Variants in TENM2 observed in about 807,000 individuals in gnomAD.
TENM2 encodes teneurin-2.
Under a neutral mutation model 245.2 loss-of-function variants are expected in TENM2, and 52 were observed. The observed-to-expected ratio is 0.21, with a 90% CI of 0.17 to 0.27. TENM2 has a LOEUF of 0.27. TENM2 is among the 10% of genes least tolerant of loss of function. The pLI is 1.00. For missense variants in TENM2, 3,046 were observed against 3,666.8 expected, an observed-to-expected ratio of 0.83 and a Z score of 4.37; for synonymous variants, 1,363 against 1,438.9, an observed-to-expected ratio of 0.95 and a Z score of 1.19.
In TENM2 at chr5:168,120,905, G is replaced by T. The variant is rs1156862047; in HGVS notation, c.2008+2419G>T. On this transcript the variant is annotated intron_variant, in intron 10 of 28. Coordinates refer to ENST00000518659, the Ensembl canonical transcript of TENM2. ...ACATGGTTGTACTATTAACAAATTTGCCCAAGAAAATGAAAGGATGTATTC... is the reference window on the plus strand; with the variant it reads ...ACATGGTTGTACTATTAACAAATTTTCCCAAGAAAATGAAAGGATGTATTC... Among the ~76,000 whole-genome samples, 3 of 152,124 alleles carry T rather than the reference G, an allele frequency of 2.0e-5. No homozygotes were observed. The East Asian group carries it at 5.8e-4, about 29-fold the overall frequency.
intron 2 of TENM2, among the ~76,000 whole-genome samples, chr5:167,801,104 AAAAAAAT>A (rs1424673938): frequency 1.6e-5 from 1 of 64,114 alleles, no homozygotes; most frequent in Non-Finnish European, 2.8e-5. Context: ...AGAAAAAAAA[AAAAAAAT>A]ATATATATAT....
At chr5:168,114,465 C>G (rs1794910300) in intron 9 of TENM2, among the ~76,000 whole-genome samples, 3 of 152,146 alleles carry the variant, frequency 2.0e-5, no homozygotes, top group African/African-American at 7.2e-5. Context: ...AGGAGGTTCC[C>G]CATTTCACAT....
chr5:167,738,723 C>G (rs1174281459), intron 2 of TENM2, among the ~76,000 whole-genome samples: 1 of 152,084 alleles, frequency 6.6e-6, no homozygotes, highest in Non-Finnish European at 1.5e-5. Flanking sequence ...TGAGACCTCT[C>G]TCCTTGACTT....
intron 2 of TENM2, among the ~76,000 whole-genome samples, chr5:167,845,938 G>A (rs1028634803): frequency 8.5e-5 from 13 of 152,142 alleles, no homozygotes; most frequent in African/African-American, 1.2e-4. Context: ...TTTCCACTTA[G>A]CATTCTCTCA....
chr5:167,550,712 GTGTGTGT>G, intron 2 of TENM2, among the ~76,000 whole-genome samples: 1 of 137,308 alleles, frequency 7.3e-6, no homozygotes, highest in African/African-American at 2.9e-5. Flanking sequence ...GTGTGTGTGT[GTGTGTGT>G]GTGTGTGTGT....
chr5:168,213,304 G>A (rs956060330), intron 20 of TENM2, among the ~76,000 whole-genome samples: 2 of 152,154 alleles, frequency 1.3e-5, no homozygotes, highest in African/African-American at 2.4e-5. Flanking sequence ...GAAGAGAAAC[G>A]GGAATGAAAG....
At chr5:168,212,349 TATC>T (rs779487093) in intron 20 of TENM2, among the ~76,000 whole-genome samples, 2 of 152,250 alleles carry the variant, frequency 1.3e-5, no homozygotes, top group Non-Finnish European at 2.9e-5. Context: ...GATCCAAGGT[TATC>T]ATTTAAAACC....
At chr5:167,323,319 A>G (rs1434619192) in intron 1 of TENM2, among the ~76,000 whole-genome samples, 3 of 152,188 alleles carry the variant, frequency 2.0e-5, no homozygotes, top group Admixed American at 6.5e-5. Flanking sequence ...CAGAATTTGA[A>G]CTGACATCGT....
the TENM2 span, among the ~76,000 whole-genome samples, chr5:167,066,899 C>T: frequency 1.3e-5 from 2 of 152,106 alleles, no homozygotes; most frequent in South Asian, 2.1e-4. Flanking sequence ...TAACAGTCCT[C>T]ATATGATTTA....
intron 3 of TENM2, among the ~76,000 whole-genome samples, chr5:167,899,707 G>T (rs1007056391): frequency 6.6e-6 from 1 of 152,118 alleles, no homozygotes; most frequent in Non-Finnish European, 1.5e-5. Flanking sequence ...GTAGGTGCCG[G>T]AAATCTCTGT....
chr5:167,627,832 C>T (rs1778611192), intron 2 of TENM2, among the ~76,000 whole-genome samples: 1 of 152,162 alleles, frequency 6.6e-6, no homozygotes, highest in African/African-American at 2.4e-5. Context: ...GTTGGGATTA[C>T]AGGCGTGAGC....
the TENM2 span, among the ~76,000 whole-genome samples, chr5:167,252,614 T>C: frequency 1.3e-5 from 2 of 152,130 alleles, no homozygotes; most frequent in Admixed American, 6.6e-5. Context: ...CTTTTCCCTT[T>C]CCATTCGTGG....
chr5:168,204,671 T>C (rs1228439350), intron 19 of TENM2, 50 bp downstream of exon 21: 2 of 1,593,046 alleles, frequency 1.3e-6, no homozygotes, highest in South Asian at 2.3e-5. Context: ...CCCCCATAAC[T>C]CCTGAGTTTG....
intron 2 of TENM2, among the ~76,000 whole-genome samples, chr5:167,672,515 A>G (rs775048869): frequency 2.5e-4 from 38 of 152,176 alleles, no homozygotes; most frequent in Non-Finnish European, 4.7e-4. Context: ...TGGATCACAT[A>G]CATACCCCAC....
intron 2 of TENM2, among the ~76,000 whole-genome samples, chr5:167,588,351 A>G (rs1775644937): frequency 6.6e-6 from 1 of 152,206 alleles, no homozygotes. Context: ...ATATTCGTGC[A>G]TCACATTTCT....
intron 2 of TENM2, among the ~76,000 whole-genome samples, chr5:167,552,835 A>G (rs543929274): frequency 1.8e-4 from 27 of 152,306 alleles, no homozygotes; most frequent in African/African-American, 6.3e-4. Flanking sequence ...GGTTGCATGA[A>G]CTTTCTTCAT....
At chr5:167,894,594 C>G (rs1775022669) in intron 3 of TENM2, among the ~76,000 whole-genome samples, 1 of 152,094 alleles carries the variant, frequency 6.6e-6, no homozygotes, top group African/African-American at 2.4e-5. Flanking sequence ...TCACTATACT[C>G]AAATATCATT....
chr5:168,112,673 AG>A (rs544893949), intron 9 of TENM2, among the ~76,000 whole-genome samples: 146 of 150,936 alleles, frequency 9.7e-4, no homozygotes, highest in African/African-American at 3.5e-3. Flanking sequence ...TCTTGCTAGA[AG>A]GGAAACTCAC....
intron 2 of TENM2, 143 bp downstream of exon 4, chr5:167,375,616 G>A: frequency 2.3e-6 from 2 of 853,552 alleles, no homozygotes; most frequent in Non-Finnish European, 3.6e-6. Context: ...TGTGAGCTGG[G>A]GGGAAGTAAA....
Sources: allele counts gnomAD v4.1 joint callset (sites outside exome capture counted in the v4.1 genomes callset), GRCh38; gene constraint gnomAD v4.1.1; transcripts MANE v1.5; gene names NCBI Gene and HGNC (gene_info 2026-07-23, HGNC 2026-07-21).